The following ATG10 variants were observed in gnomAD, a reference collection of about 807,000 sequenced individuals.
ATG10 encodes autophagy related 10, also known as ubiquitin-like-conjugating enzyme ATG10.
ATG10 carries 30 observed loss-of-function variants against 32.1 expected under a neutral mutation model. That is an observed-to-expected ratio of 0.94 (90% CI 0.70 to 1.27). ATG10 has a LOEUF of 1.27. ATG10 is among the 50% of genes most tolerant of loss of function. The pLI is 0.00. For synonymous variants in ATG10, 87 were observed against 91.5 expected, an observed-to-expected ratio of 0.95 and a Z score of 0.28; for missense variants, 233 against 262.3, an observed-to-expected ratio of 0.89 and a Z score of 0.77.
intron 5 of ATG10, among the ~76,000 whole-genome samples, chr5:82,203,064 C>T (rs1434676261): frequency 6.6e-6 from 1 of 152,026 alleles, no homozygotes; most frequent in African/African-American, 2.4e-5. Context: ...CCCGTCTCTA[C>T]TAAAAATACA....
chr5:82,236,902 AT>A (rs943059012), intron 5 of ATG10, among the ~76,000 whole-genome samples: 13 of 151,382 alleles, frequency 8.6e-5, no homozygotes, highest in East Asian at 3.9e-4. Flanking sequence ...TTTCCCACAT[AT>A]TTTTTTTCTT....
At chr5:82,083,239 C>T (rs866287814) in intron 3 of ATG10, among the ~76,000 whole-genome samples, 2 of 152,312 alleles carry the variant, frequency 1.3e-5, no homozygotes, top group East Asian at 3.9e-4. Context: ...ACTGCTAGCA[C>T]AGTAGTCTGA....
chr5:82,245,462 G>A lies in ATG10; in HGVS notation c.454-7100G>A, dbSNP rs564780058. Among the ~76,000 whole-genome samples, 15 of 152,284 alleles carry A rather than the reference G, an allele frequency of 9.9e-5. No homozygotes were observed. In the East Asian group the frequency reaches 2.7e-3, roughly 27 times the overall value. The stretch of plus-strand genomic sequence containing the variant: ...GGCTTGCAGAATCAGCTGATTGAAT[G>A]TGACTGAAAAAATAGTATTGGCTCA... On this transcript the variant is annotated intron_variant, in intron 5 of 7. Transcript: ENST00000282185.
chr5:82,033,568 C>T (rs1269816647), intron 2 of ATG10, among the ~76,000 whole-genome samples: 4 of 152,038 alleles, frequency 2.6e-5, no homozygotes, highest in African/African-American at 4.8e-5. Flanking sequence ...GGTTTTCCGC[C>T]TGCCCCAGTG....
At chr5:82,057,411 C>G (rs1763637326) in intron 2 of ATG10, among the ~76,000 whole-genome samples, 1 of 152,126 alleles carries the variant, frequency 6.6e-6, no homozygotes, top group African/African-American at 2.4e-5. Context: ...AGGGAAGGAC[C>G]ATTCCTTACT....
intron 3 of ATG10, among the ~76,000 whole-genome samples, chr5:82,135,216 C>CT (rs1336362212): frequency 6.6e-6 from 1 of 152,096 alleles, no homozygotes; most frequent in Non-Finnish European, 1.5e-5. Context: ...TTTCATGTCT[C>CT]TGTCTTCTTC....
intron 5 of ATG10, among the ~76,000 whole-genome samples, chr5:82,234,225 G>A (rs1051654814): frequency 9.9e-5 from 15 of 152,134 alleles, no homozygotes; most frequent in African/African-American, 3.4e-4. Flanking sequence ...AGGCAGATGG[G>A]GGAGGGTAAA....
Position 82,033,759 on chromosome 5 carries a change from CAT to C in ATG10, c.109-24733_109-24732del, listed in dbSNP as rs764286920. Reference sequence around the variant, plus strand: ...ACACACACACACACACACACACACACATATGTGTGTATATATACGTGTATGTT... The same window carrying C: ...ACACACACACACACACACACACACACATGTGTGTATATATACGTGTATGTT... On this transcript the variant is annotated intron_variant, in intron 2 of 7. Transcript: ENST00000282185. Among the ~76,000 whole-genome samples, 611 of 140,316 alleles carry C rather than the reference CAT, an allele frequency of 4.4e-3. 3 individuals carry two copies. Among genetic ancestry groups the C allele is most frequent in the Middle Eastern group, 0.011 (3 of 266 alleles). 92.1% of individuals were successfully genotyped at this position (140,316 alleles called of 152,430 possible).
chr5:82,159,032 A>C (rs1359745124), intron 3 of ATG10, among the ~76,000 whole-genome samples: 1 of 152,208 alleles, frequency 6.6e-6, no homozygotes, highest in Admixed American at 6.5e-5. Flanking sequence ...TAAGAGATTA[A>C]CAGTTTCTTT....
rs1320200413 is a variant in ATG10 at position 82,178,584 on chromosome 5, A to G, written c.450A>G (p.Gln150=). The G allele has an allele frequency of 1.2e-6, 2 of 1,600,162 alleles. No homozygotes were observed. The highest frequency in any genetic ancestry group is 1.3e-5 in the African/African-American group (1 of 74,518). The change falls in exon 5 of 8, where the codon CAA becomes CAG. Residue 150 remains glutamine (Q), a synonymous_variant. Coordinates refer to ENST00000282185, the MANE Select transcript of ATG10 (RefSeq NM_031482.5). ...AGGGACCATGGGACACTATTACGCA[A>G]CAGGTTGGAGAGTATTGTCATTTTA... is the stretch of plus-strand genomic sequence containing the variant. ...LLQGPWDTIT[Q]QEHPILGQPF... is the part of the protein sequence containing the mutation.
At chr5:82,168,813 A>G (rs1005929487) in intron 4 of ATG10, among the ~76,000 whole-genome samples, 2 of 152,214 alleles carry the variant, frequency 1.3e-5, no homozygotes, top group Admixed American at 6.5e-5. Flanking sequence ...CATATAAATC[A>G]TCAAGCAGGA....
At chr5:82,076,041 T>C (rs1412185469) in intron 3 of ATG10, among the ~76,000 whole-genome samples, 1 of 152,230 alleles carries the variant, frequency 6.6e-6, no homozygotes, top group Non-Finnish European at 1.5e-5. Context: ...AAGTAGTTTG[T>C]AAAGTTAGTA....
chr5:82,139,748 T>C (rs1488424106), intron 3 of ATG10, among the ~76,000 whole-genome samples: 1 of 127,688 alleles, frequency 7.8e-6, no homozygotes, highest in African/African-American at 3.1e-5. Flanking sequence ...AGCCGCCCCG[T>C]CCGGGAGGCG....
At position 82,050,104 on chromosome 5, in the gene ATG10, G is replaced by A. The variant is rs552890499; in HGVS notation, c.109-8391G>A. ...ATTTATATATGGGTTTATATAAATG[G>A]CATTGTTGTTCTATAACTTACTTTT... is the stretch of plus-strand genomic sequence containing the variant. On this transcript the variant is annotated intron_variant, in intron 2 of 7. Transcript: ENST00000282185. Among the ~76,000 whole-genome samples, 10 of 151,914 alleles carry A rather than the reference G, an allele frequency of 6.6e-5. No homozygotes were observed. The South Asian group carries it at 1.7e-3, about 25-fold the overall frequency.
At position 82,008,859 on chromosome 5, in the gene ATG10, G is replaced by A. The variant is rs1323593385; in HGVS notation, c.108+21181G>A. 4.6e-5 allele frequency among the ~76,000 whole-genome samples: 7 copies of A among 152,138 alleles called. No individual in the cohort carries two copies. The East Asian group carries it at 1.4e-3, about 29-fold the overall frequency. On this transcript the variant is annotated intron_variant, in intron 2 of 7. Transcript: ENST00000282185. ...TATACTAGACATATATATTTTATTT[G>A]TTTATTACATTTATATATGATTGGA...
chr5:82,119,726 G>T (rs1308115514), intron 3 of ATG10, among the ~76,000 whole-genome samples: 1 of 152,148 alleles, frequency 6.6e-6, no homozygotes, highest in Non-Finnish European at 1.5e-5. Context: ...CTCCCAAAGT[G>T]CTGGGATTAC....
chr5:82,216,543 G>A (rs1366472454), intron 5 of ATG10, among the ~76,000 whole-genome samples: 4 of 152,152 alleles, frequency 2.6e-5, no homozygotes, highest in Non-Finnish European at 5.9e-5. Context: ...AGCCACCTGA[G>A]CAACTTGTGA....
At chr5:82,237,934 T>C (rs1362361491) in intron 5 of ATG10, among the ~76,000 whole-genome samples, 2 of 152,116 alleles carry the variant, frequency 1.3e-5, no homozygotes, top group African/African-American at 4.8e-5. Context: ...CACAACACAG[T>C]GTTACAGAAA....
intron 3 of ATG10, among the ~76,000 whole-genome samples, chr5:82,096,650 A>G (rs1024749911): frequency 1.3e-5 from 2 of 152,178 alleles, no homozygotes; most frequent in Non-Finnish European, 1.5e-5. Context: ...CCATCTGTCT[A>G]TAATAGTCAG....
Sources: gnomAD v4.1 joint callset for allele counts (sites outside exome capture counted in the v4.1 genomes callset) on GRCh38, gnomAD v4.1.1 for gene constraint, MANE v1.5 for transcripts, NCBI Gene and HGNC (gene_info 2026-07-23, HGNC 2026-07-21) for gene names.